The following TEKT1 variants were observed in gnomAD, a reference collection of about 807,000 sequenced individuals.
TEKT1 encodes tektin-1.
In TEKT1, 32 loss-of-function variants were observed where a neutral mutation model predicts 34.8. The observed-to-expected ratio is 0.92, with a 90% CI of 0.69 to 1.23. TEKT1 has a LOEUF of 1.23. TEKT1 is among the 50% of genes most tolerant of loss of function. The pLI, the probability that TEKT1 is intolerant of heterozygous loss-of-function variation, is 0.00. For synonymous variants in TEKT1, 207 were observed against 199.8 expected, an observed-to-expected ratio of 1.04 and a Z score of -0.30; for missense variants, 492 against 518.5, an observed-to-expected ratio of 0.95 and a Z score of 0.50.
At position 6,819,435 on chromosome 17, in the gene TEKT1, T is replaced by C. The variant is rs76385582; in HGVS notation, c.191-77A>G. ...ACATTTGAATTAGAAACTTGAAGAC[T>C]GTTGTAAAACCACCTGTGACATGCT... On this transcript the variant is annotated intron_variant, in intron 2 of 7. Transcript: ENST00000338694. The C allele has an allele frequency of 1.9e-3, 2,835 of 1,467,874 alleles. 33 individuals carry two copies. In the African/African-American group the frequency reaches 0.036, roughly 18 times the overall value. The allele number at this position is 1,467,874 out of a possible 1,614,324, so 90.9% of individuals were successfully genotyped here.
chr17:6,804,445 C>A (rs1976818426), intron 6 of TEKT1, among the ~76,000 whole-genome samples: 1 of 152,004 alleles, frequency 6.6e-6, no homozygotes, highest in Admixed American at 6.6e-5. Context: ...AATTGAATAC[C>A]CTTTATTTCC....
At chr17:6,828,489 C>T (rs1187807048) in intron 2 of TEKT1, among the ~76,000 whole-genome samples, 1 of 152,150 alleles carries the variant, frequency 6.6e-6, no homozygotes, top group African/African-American at 2.4e-5. Flanking sequence ...ACATTTAAAA[C>T]GTGAATAAAT....
intron 6 of TEKT1, among the ~76,000 whole-genome samples, chr17:6,810,031 A>T (rs1976905900): frequency 6.6e-6 from 1 of 152,180 alleles, no homozygotes; most frequent in Non-Finnish European, 1.5e-5. Flanking sequence ...GAATCCTAAG[A>T]GTATATGTTT....
In TEKT1 at chr17:6,800,884, A is replaced by G; in HGVS notation, c.912T>C (p.Leu304=). ...KNITALEKAI[L]DQEGPAKVAH... ...CCACCTTGGCTGGCCCTTCTTGGTC[A>G]AGGATGGCCTTTTCAAGAGCTGTAA... Residue 304 remains leucine (L), a synonymous_variant, in exon 7 of 8, where the codon CTT becomes CTC. Coordinates refer to ENST00000338694, the MANE Select transcript of TEKT1 (RefSeq NM_053285.2). 6.2e-7 allele frequency: 1 copy of G among 1,614,076 alleles called. No individual in the cohort carries two copies. Among genetic ancestry groups the G allele is most frequent in the East Asian group, 2.2e-5 (1 of 44,886 alleles).
Position 6,816,008 on chromosome 17 carries a change from G to A in TEKT1, c.357-46C>T, listed in dbSNP as rs762647661. The A allele has an allele frequency of 3.7e-5, 59 of 1,609,210 alleles. No individual in the cohort carries two copies. In the South Asian group the frequency reaches 4.4e-4, roughly 12 times the overall value. ...CAGTCAGCCAACACGTGCAACATGA[G>A]GTGACTCAACATTGGCTAATGGCTG... is the stretch of plus-strand genomic sequence containing the variant. On this transcript the variant is annotated intron_variant, in intron 3 of 7. Coordinates refer to ENST00000338694, the MANE Select transcript of TEKT1 (RefSeq NM_053285.2).
At chr17:6,809,061 TA>T (rs1976889411) in intron 6 of TEKT1, among the ~76,000 whole-genome samples, 1 of 152,010 alleles carries the variant, frequency 6.6e-6, no homozygotes, top group African/African-American at 2.4e-5. Context: ...AGAATTCCCA[TA>T]TGCTTTCTCC....
intron 1 of TEKT1, among the ~76,000 whole-genome samples, chr17:6,831,141 G>A (rs138610088): frequency 6.6e-6 from 1 of 152,270 alleles, no homozygotes; most frequent in Non-Finnish European, 1.5e-5. Context: ...AAGAAAAGGA[G>A]AGAACAGGAA....
chr17:6,816,034 C>A (rs1337957833), intron 3 of TEKT1, 72 bp from the exon 4 acceptor site: 105 of 1,586,986 alleles, frequency 6.6e-5, no homozygotes, highest in Non-Finnish European at 8.7e-5. Context: ...CTAATGGCTG[C>A]ACACTCAGAA....
intron 2 of TEKT1, among the ~76,000 whole-genome samples, chr17:6,828,694 T>C (rs1369490697): frequency 6.6e-6 from 1 of 152,158 alleles, no homozygotes; most frequent in East Asian, 1.9e-4. Flanking sequence ...TTGGTCCCTA[T>C]AGATAGTCGA....
At chr17:6,826,697 TTA>T (rs1462986438) in intron 2 of TEKT1, among the ~76,000 whole-genome samples, 21 of 145,510 alleles carry the variant, frequency 1.4e-4, no homozygotes, top group African/African-American at 5.3e-4. Flanking sequence ...GGGATTATTA[TTA>T]TTTTTTTTTT....
chr17:6,815,036 A>G (rs571636516), intron 5 of TEKT1, 127 bp downstream of exon 5: 3 of 1,200,034 alleles, frequency 2.5e-6, no homozygotes, highest in East Asian at 2.4e-5. Flanking sequence ...TCACCATTCA[A>G]TGCTGCCTTT....
intron 1 of TEKT1, among the ~76,000 whole-genome samples, chr17:6,831,109 G>T (rs1307043562): frequency 6.6e-6 from 1 of 152,096 alleles, no homozygotes; most frequent in Non-Finnish European, 1.5e-5. Flanking sequence ...ACACATAAAA[G>T]AATCTGAAAA....
chr17:6,817,920 G>C (rs1006970903), intron 3 of TEKT1, among the ~76,000 whole-genome samples: 3 of 152,038 alleles, frequency 2.0e-5, no homozygotes, highest in Admixed American at 6.6e-5. Context: ...GAGCCAACTG[G>C]GTGTTGAGCT....
intron 6 of TEKT1, among the ~76,000 whole-genome samples, chr17:6,805,566 A>C (rs1441753787): frequency 2.6e-5 from 4 of 152,112 alleles, no homozygotes; most frequent in Admixed American, 2.0e-4. Context: ...GTTAGGGTGT[A>C]AATTTTAGAT....
intron 2 of TEKT1, among the ~76,000 whole-genome samples, chr17:6,824,655 T>C (rs1904346694): frequency 6.6e-6 from 1 of 152,244 alleles, no homozygotes; most frequent in Non-Finnish European, 1.5e-5. Context: ...TTTACTTGTG[T>C]TGTGTCTCTT....
At chr17:6,821,226 C>T (rs1977085104) in intron 2 of TEKT1, among the ~76,000 whole-genome samples, 2 of 152,202 alleles carry the variant, frequency 1.3e-5, no homozygotes, top group Non-Finnish European at 2.9e-5. Flanking sequence ...ATCTCATCTC[C>T]AGCTGTTATC....
chr17:6,826,673 A>G (rs1474122090), intron 2 of TEKT1, among the ~76,000 whole-genome samples: 1 of 149,982 alleles, frequency 6.7e-6, no homozygotes, highest in Non-Finnish European at 1.5e-5. Context: ...GATAGATAAT[A>G]CGAGGTAGGG....
At chr17:6,804,801 G>A (rs2151582271) in intron 6 of TEKT1, among the ~76,000 whole-genome samples, 1 of 152,304 alleles carries the variant, frequency 6.6e-6, no homozygotes, top group Non-Finnish European at 1.5e-5. Flanking sequence ...TTGCATCCCA[G>A]GGATGAAGCC....
At chr17:6,812,044 G>A (rs2151585369) in intron 6 of TEKT1, among the ~76,000 whole-genome samples, 1 of 152,198 alleles carries the variant, frequency 6.6e-6, no homozygotes, top group African/African-American at 2.4e-5. Flanking sequence ...CTGGTGGGAG[G>A]TAATTGGATC....
Sources: gnomAD v4.1 joint callset for allele counts (sites outside exome capture counted in the v4.1 genomes callset) on GRCh38, gnomAD v4.1.1 for gene constraint, MANE v1.5 for transcripts, NCBI Gene and HGNC (gene_info 2026-07-23, HGNC 2026-07-21) for gene names.